MTSS1: variants seen among roughly 807,000 people sequenced by gnomAD.
MTSS1 encodes MTSS I-BAR domain containing 1.
MTSS1 carries 18 observed loss-of-function variants against 79.0 expected under a neutral mutation model. The ratio of observed to expected loss-of-function variants is 0.23; its 90% CI spans 0.16 to 0.34. The LOEUF (loss-of-function observed/expected upper bound fraction) is 0.34. Ranked by LOEUF, MTSS1 falls within the 10% of genes least tolerant of loss-of-function variation. The probability of loss-of-function intolerance (pLI) is 1.00; values close to 1 mark genes in which losing one functional copy is unlikely to be tolerated. For synonymous variants in MTSS1, 341 were observed against 368.6 expected, an observed-to-expected ratio of 0.93 and a Z score of 0.86; for missense variants, 815 against 986.2, an observed-to-expected ratio of 0.83 and a Z score of 2.33.
intron 3 of MTSS1, among the ~76,000 whole-genome samples, chr8:124,665,666 G>A (rs942066688): frequency 3.9e-5 from 6 of 152,068 alleles, no homozygotes; most frequent in African/African-American, 9.7e-5. Context: ...TTGGGAGTTC[G>A]AGACCATCCT....
chr8:124,694,025 T>C (rs9642874), intron 3 of MTSS1, among the ~76,000 whole-genome samples: 54,722 of 152,096 alleles, frequency 0.36, 10,585 homozygotes, highest in Non-Finnish European at 0.41. Context: ...CAAACCTACG[T>C]ATCCCAGATC....
chr8:124,626,040 G>C (rs898008819), intron 3 of MTSS1, among the ~76,000 whole-genome samples: 3 of 152,332 alleles, frequency 2.0e-5, no homozygotes, highest in African/African-American at 7.2e-5. Context: ...GAAAGGGAGA[G>C]GCTGCAAATC....
intron 6 of MTSS1, among the ~76,000 whole-genome samples, chr8:124,583,720 C>A (rs1830420464): frequency 6.6e-6 from 1 of 152,214 alleles, no homozygotes; most frequent in South Asian, 2.1e-4. Flanking sequence ...GCCCAGGAAT[C>A]CTTCCTCTCT....
chr8:124,613,344 T>C (rs1444414545), intron 3 of MTSS1, among the ~76,000 whole-genome samples: 2 of 152,230 alleles, frequency 1.3e-5, no homozygotes, highest in African/African-American at 4.8e-5. Flanking sequence ...AGTAGGATGC[T>C]GAGTGCCAGG....
chr8:124,575,724 A>G (rs535265866), intron 6 of MTSS1, among the ~76,000 whole-genome samples: 98 of 152,238 alleles, frequency 6.4e-4, no homozygotes, highest in Non-Finnish European at 1.3e-3. Context: ...CTGGGCAATC[A>G]GTTGTTTATC....
At chr8:124,637,749 G>A (rs539977439) in intron 3 of MTSS1, among the ~76,000 whole-genome samples, 1 of 152,164 alleles carries the variant, frequency 6.6e-6, no homozygotes, top group African/African-American at 2.4e-5. Flanking sequence ...GTCTAAGTGA[G>A]GGGGGGTAAT....
Position 124,568,418 on chromosome 8 carries a change from G to C in MTSS1, c.579C>G (p.Gly193=). The C allele has an allele frequency of 6.2e-7, 1 of 1,614,152 alleles. No homozygotes were observed. Among genetic ancestry groups the C allele is most frequent in the South Asian group, 1.1e-5 (1 of 91,086 alleles). The part of the protein sequence containing the change: ...AVRKALIEER[G]RFCTFISMLR... ...GCATAGAGATGAAGGTACAGAATCG[G>C]CCACGTTCTTCAATCAAAGCCTTCC... Residue 193 remains glycine, a synonymous_variant, in exon 7 of 14, where the codon GGC becomes GGG. Coordinates refer to ENST00000518547, the MANE Select transcript of MTSS1 (RefSeq NM_014751.6).
In MTSS1 at chr8:124,706,178, TCC is replaced by T. The variant is rs150505898; in HGVS notation, c.73-1989_73-1988del. ...TTATAGAATCGTCTATTTATATACTTCCCTAGCTGTCAATTCTGTCTGAAAAT... is the reference window on the plus strand; with the variant it reads ...TTATAGAATCGTCTATTTATATACTTCTAGCTGTCAATTCTGTCTGAAAAT... On this transcript the variant is annotated intron_variant, in intron 1 of 13. Coordinates refer to ENST00000518547, the MANE Select transcript of MTSS1 (RefSeq NM_014751.6). 3.4e-3 allele frequency among the ~76,000 whole-genome samples: 511 copies of T among 152,290 alleles called. 5 individuals are homozygous for T. The highest frequency in any genetic ancestry group is 0.012 in the African/African-American group (481 of 41,526).
intron 3 of MTSS1, among the ~76,000 whole-genome samples, chr8:124,653,704 A>C (rs369009533): frequency 1.8e-4 from 27 of 151,814 alleles, no homozygotes; most frequent in African/African-American, 6.1e-4. Flanking sequence ...AGCCTGGGCA[A>C]CAGAGCAAGA....
chr8:124,624,061 C>A (rs1814158566), intron 3 of MTSS1, among the ~76,000 whole-genome samples: 1 of 152,230 alleles, frequency 6.6e-6, no homozygotes, highest in Non-Finnish European at 1.5e-5. Context: ...TGTGGGTGAA[C>A]TGATATGTGC....
intron 3 of MTSS1, among the ~76,000 whole-genome samples, chr8:124,631,360 C>T (rs887993221): frequency 2.0e-5 from 3 of 152,226 alleles, no homozygotes; most frequent in African/African-American, 7.2e-5. Flanking sequence ...TTTCACAAGA[C>T]ATGAGCCCTT....
rs576578099 is a variant in MTSS1, at chr8:124,697,514, T to C, written c.208+2012A>G. Reference sequence around the variant, plus strand: ...AGGCAGAGGTTGCAGTGAGCCAAGATTGCGCCATTGCACTCCAGTCTGAGA... The same window carrying C: ...AGGCAGAGGTTGCAGTGAGCCAAGACTGCGCCATTGCACTCCAGTCTGAGA... On this transcript the variant is annotated intron_variant, in intron 3 of 13. Transcript: ENST00000518547. Among the ~76,000 whole-genome samples, 8 of 152,144 alleles carry C rather than the reference T, an allele frequency of 5.3e-5. No individual in the cohort carries two copies. In the South Asian group the frequency reaches 1.7e-3, roughly 32 times the overall value.
intron 1 of MTSS1, among the ~76,000 whole-genome samples, chr8:124,711,180 TTTACATA>T (rs1204333905): frequency 6.6e-6 from 1 of 152,152 alleles, no homozygotes; most frequent in African/African-American, 2.4e-5. Context: ...CAAGCTGTAA[TTTACATA>T]TCCATCATCT....
intron 3 of MTSS1, among the ~76,000 whole-genome samples, chr8:124,684,153 T>TA (rs1826580180): frequency 6.6e-6 from 1 of 152,208 alleles, no homozygotes; most frequent in South Asian, 2.1e-4. Context: ...GCATTCCTTT[T>TA]AAGCTTCTTA....
chr8:124,628,035 C>T (rs961193751), intron 3 of MTSS1, among the ~76,000 whole-genome samples: 4 of 152,120 alleles, frequency 2.6e-5, no homozygotes, highest in Non-Finnish European at 5.9e-5. Context: ...GGCGTGGTGG[C>T]ATGTGCCTGT....
intron 3 of MTSS1, among the ~76,000 whole-genome samples, chr8:124,630,815 C>T (rs959058967): frequency 3.3e-5 from 5 of 152,216 alleles, no homozygotes; most frequent in African/African-American, 1.2e-4. Context: ...GCTGGCTCTG[C>T]TATCAACACA....
chr8:124,622,485 G>GAA (rs74650146), intron 3 of MTSS1, among the ~76,000 whole-genome samples: 70 of 99,528 alleles, frequency 7.0e-4, no homozygotes, highest in African/African-American at 1.9e-3. Context: ...TTGCCATATT[G>GAA]AAAAAAAAAA....
At chr8:124,714,383 C>T (rs1831609165) in intron 1 of MTSS1, among the ~76,000 whole-genome samples, 1 of 152,170 alleles carries the variant, frequency 6.6e-6, no homozygotes. Flanking sequence ...AAGGGCTTGC[C>T]CTCACGCCCG....
chr8:124,685,857 G>A (rs1316590879), intron 3 of MTSS1, among the ~76,000 whole-genome samples: 2 of 152,120 alleles, frequency 1.3e-5, no homozygotes, highest in African/African-American at 4.8e-5. Flanking sequence ...CCCAAACAGC[G>A]GCAGAAGTTG....
Sources: allele counts gnomAD v4.1 joint callset (sites outside exome capture counted in the v4.1 genomes callset), GRCh38; gene constraint gnomAD v4.1.1; transcripts MANE v1.5; gene names NCBI Gene and HGNC (gene_info 2026-07-23, HGNC 2026-07-21).